TEC: variants seen among roughly 807,000 people sequenced by gnomAD.
TEC encodes tyrosine-protein kinase Tec.
A neutral mutation model predicts 93.0 loss-of-function variants in TEC; 72 were observed. That is an observed-to-expected ratio of 0.77 (90% CI 0.64 to 0.94). The LOEUF (loss-of-function observed/expected upper bound fraction) is 0.94, where lower values mean the gene tolerates loss of function less well. Among genes scored for constraint, TEC ranks in the 40% least tolerant of loss-of-function variants. The pLI is 0.00. For synonymous variants in TEC, 249 were observed against 247.7 expected, an observed-to-expected ratio of 1.01 and a Z score of -0.05; for missense variants, 630 against 757.9, an observed-to-expected ratio of 0.83 and a Z score of 1.98.
intron 3 of TEC, among the ~76,000 whole-genome samples, chr4:48,173,362 T>C (rs1346028219): frequency 6.6e-6 from 1 of 152,240 alleles, no homozygotes; most frequent in Non-Finnish European, 1.5e-5. Context: ...CTTGATATAT[T>C]ACCTAGCTAA....
intron 10 of TEC, 146 bp downstream of exon 10, chr4:48,150,717 T>C (rs1720121578): frequency 1.9e-6 from 1 of 532,466 alleles, no homozygotes; most frequent in Non-Finnish European, 3.3e-6. Context: ...CAAAAAACAG[T>C]ATATACACTT....
At chr4:48,193,976 T>A (rs1176522233) in intron 2 of TEC, among the ~76,000 whole-genome samples, 2 of 152,052 alleles carry the variant, frequency 1.3e-5, no homozygotes, top group Non-Finnish European at 2.9e-5. Flanking sequence ...CAGCAAGTAA[T>A]CCAAATACGC....
intron 1 of TEC, among the ~76,000 whole-genome samples, chr4:48,236,526 C>T (rs1214010974): frequency 6.6e-5 from 10 of 152,186 alleles, no homozygotes; most frequent in African/African-American, 2.4e-4. Flanking sequence ...TCGTGATCCA[C>T]CCGTCGCGGC....
chr4:48,209,279 G>A (rs1722815627), intron 2 of TEC, among the ~76,000 whole-genome samples: 1 of 152,026 alleles, frequency 6.6e-6, no homozygotes, highest in Non-Finnish European at 1.5e-5. Context: ...AGAAAACTAT[G>A]TCTCTATGTA....
At chr4:48,199,274 C>T (rs1018754556) in intron 2 of TEC, among the ~76,000 whole-genome samples, 2 of 152,072 alleles carry the variant, frequency 1.3e-5, no homozygotes, top group Admixed American at 1.3e-4. Flanking sequence ...CCCAACTTCT[C>T]ACTTGCGTCT....
chr4:48,182,043 G>A (rs58770032), intron 2 of TEC, among the ~76,000 whole-genome samples: 1 of 151,968 alleles, frequency 6.6e-6, no homozygotes, highest in Non-Finnish European at 1.5e-5. Flanking sequence ...AGCACTTTAG[G>A]AGGCCAAGGC....
chr4:48,174,875 T>C (rs763189001), intron 3 of TEC, among the ~76,000 whole-genome samples: 14 of 152,206 alleles, frequency 9.2e-5, no homozygotes, highest in Non-Finnish European at 1.6e-4. Context: ...TCTGATTATA[T>C]GTCAAAGCTA....
chr4:48,195,536 G>T (rs1490469696), intron 2 of TEC, among the ~76,000 whole-genome samples: 2 of 152,170 alleles, frequency 1.3e-5, no homozygotes, highest in African/African-American at 2.4e-5. Flanking sequence ...GCTCGTACAG[G>T]TCGTGTGTGC....
At chr4:48,190,941 C>G (rs1722072260) in intron 2 of TEC, among the ~76,000 whole-genome samples, 1 of 152,126 alleles carries the variant, frequency 6.6e-6, no homozygotes. Flanking sequence ...TGCTAGGGGA[C>G]TTTTTAAAAA....
At chr4:48,268,135 G>C (rs10433724) in intron 1 of TEC, among the ~76,000 whole-genome samples, 29,761 of 152,216 alleles carry the variant, frequency 0.2, 3,365 homozygotes, top group East Asian at 0.42. Flanking sequence ...CTGCCCTTGA[G>C]TAACTAGCTG....
Position 48,145,069 on chromosome 4 carries a change from C to T in TEC, c.1470+10G>A, listed in dbSNP as rs748879902. The T allele has an allele frequency of 2.5e-6, 4 of 1,613,362 alleles. No individual in the cohort carries two copies. The highest frequency in any genetic ancestry group is 3.4e-6 in the Non-Finnish European group (4 of 1,179,442). The stretch of plus-strand genomic sequence containing the variant: ...AGCCAATGAGTGGGAATATGGGTGG[C>T]TAGGGTTACCAGATCTCTGTGGATG... On this transcript the variant is annotated intron_variant, in intron 14 of 17. Transcript: ENST00000381501.
At chr4:48,176,699 G>C (rs1337318668) in intron 2 of TEC, among the ~76,000 whole-genome samples, 1 of 152,038 alleles carries the variant, frequency 6.6e-6, no homozygotes, top group African/African-American at 2.4e-5. Context: ...CTCAGGCCTG[G>C]GTGACACAGT....
chr4:48,171,391 AG>A lies in TEC; in HGVS notation c.301del (p.Leu101CysfsTer3). On this transcript the variant is annotated frameshift_variant, in exon 4 of 18. Coordinates refer to ENST00000381501, the MANE Select transcript of TEC (RefSeq NM_003215.3). LOFTEE classifies it high-confidence loss of function. The part of the protein sequence containing the change: ...IFAPSPQSRD[L>X]WVKKLKEEIK... ...ACCTTCTTTTAACTTCTTCACCCAC[AG>A]GTCCCTGCTTTGTGGACTAGGTGCA... 2 of 1,613,578 alleles carry A rather than the reference AG, an allele frequency of 1.2e-6. No individual in the cohort carries two copies. Among genetic ancestry groups the A allele is most frequent in the Non-Finnish European group, 1.7e-6 (2 of 1,179,852 alleles).
rs1720076274 is a variant in TEC, at chr4:48,149,684, ACCT to A, written c.876_878del (p.Glu292_Gly293delinsAsp). On this transcript the variant is annotated inframe_deletion, in exon 11 of 18. Transcript: ENST00000381501. ...TATGATAATGCCTAAAACCCGATGA[ACCT>A]TCTCTAGAACAAAAATCAAAATGTG... 4 of 1,601,188 alleles carry A rather than the reference ACCT, an allele frequency of 2.5e-6. No individual in the cohort carries two copies. The highest frequency in any genetic ancestry group is 3.5e-5 in the Admixed American group (2 of 56,368).
intron 9 of TEC, among the ~76,000 whole-genome samples, chr4:48,151,875 A>C (rs551851473): frequency 6.6e-6 from 1 of 152,364 alleles, no homozygotes; most frequent in East Asian, 1.9e-4. Context: ...AAAGCACTAA[A>C]GGTCAAATCT....
At position 48,136,155 on chromosome 4, in the gene TEC, C is replaced by G. The variant is rs983021359; in HGVS notation, c.*1261G>C. 1 of 152,202 alleles carries G rather than the reference C, an allele frequency of 6.6e-6. No individual in the cohort carries two copies. 9.4% of individuals were successfully genotyped at this position (152,202 alleles called of 1,614,324 possible). ...GACCGAGATAGTTTCTTTTCCTTGG[C>G]GCTCACAAGGCAAAAAGGAAGGCCC... On this transcript the variant is annotated 3_prime_UTR_variant, in exon 18 of 18. Transcript: ENST00000381501.
chr4:48,161,960 C>G (rs1371140085), intron 8 of TEC, among the ~76,000 whole-genome samples: 1 of 152,188 alleles, frequency 6.6e-6, no homozygotes, highest in African/African-American at 2.4e-5. Flanking sequence ...GCCTTCCTTT[C>G]CCCTCAGCTT....
intron 9 of TEC, among the ~76,000 whole-genome samples, chr4:48,154,712 G>A (rs1267356512): frequency 6.6e-6 from 1 of 152,120 alleles, no homozygotes; most frequent in Non-Finnish European, 1.5e-5. Context: ...AAGAGTCATG[G>A]AACTTGTCCC....
chr4:48,142,430 G>A (rs1010777895), intron 14 of TEC, among the ~76,000 whole-genome samples: 35 of 152,162 alleles, frequency 2.3e-4, no homozygotes, highest in Admixed American at 2.2e-3. Flanking sequence ...CAGAGATCGC[G>A]CCACTGCACT....
Sources: gnomAD v4.1 joint callset for allele counts (sites outside exome capture counted in the v4.1 genomes callset) on GRCh38, gnomAD v4.1.1 for gene constraint, MANE v1.5 for transcripts, NCBI Gene and HGNC (gene_info 2026-07-23, HGNC 2026-07-21) for gene names.